Variants in C22orf42 observed in about 807,000 individuals in gnomAD.
The protein encoded by C22orf42 is chromosome 22 open reading frame 42.
A neutral mutation model predicts 31.4 loss-of-function variants in C22orf42; 24 were observed. That is an observed-to-expected ratio of 0.77 (90% CI 0.55 to 1.08). The LOEUF (loss-of-function observed/expected upper bound fraction) is 1.08. C22orf42 is among the 50% of genes least tolerant of loss of function. The pLI, the probability that C22orf42 is intolerant of heterozygous loss-of-function variation, is 0.00. For synonymous variants in C22orf42, 96 were observed against 112.7 expected (o/e 0.85, Z 0.94); for missense variants, 276 against 327.3 (o/e 0.84, Z 1.21).
chr22:32,149,754 G>A lies in C22orf42; in HGVS notation c.681C>T (p.Leu227=), dbSNP rs1455502526. Residue 227 remains leucine, a splice_region_variant and synonymous_variant, in exon 8 of 9, where the codon CTC becomes CTT. Coordinates refer to ENST00000382097, the MANE Select transcript of C22orf42 (RefSeq NM_001010859.3). ...EMAKERYEDY[L]CWVKMARSRL... is the part of the protein sequence containing the mutation. ...ATATCTAGATATATATATACTTACAGAGGTAATCTTCATATCTCTCCTTTG... is the reference window on the plus strand; with the variant it reads ...ATATCTAGATATATATATACTTACAAAGGTAATCTTCATATCTCTCCTTTG... The A allele has an allele frequency of 3.5e-6, 5 of 1,445,506 alleles. No individual in the cohort carries two copies. The highest frequency in any genetic ancestry group is 3.0e-5 in the African/African-American group (2 of 67,676). 89.5% of individuals were successfully genotyped at this position (1,445,506 alleles called of 1,614,324 possible).
In C22orf42 at chr22:32,159,287, AC is replaced by A. The variant is rs1921467941; in HGVS notation, c.-73del. ...TGTAGTCGGAGCTCCTCCTCCTTCT[AC>A]GGCCAGCTACCGACTGAAGGCTGCT... On this transcript the variant is annotated 5_prime_UTR_variant, in exon 1 of 9. Transcript: ENST00000382097. The A allele has an allele frequency of 6.4e-7, 1 of 1,565,158 alleles. No homozygotes were observed. Among genetic ancestry groups the A allele is most frequent in the African/African-American group, 1.3e-5 (1 of 74,100 alleles).
In C22orf42 at chr22:32,149,550, A is replaced by G; in HGVS notation, c.746T>C (p.Leu249Pro). 1.3e-6 allele frequency: 2 copies of G among 1,535,506 alleles called. No individual in the cohort carries two copies. Among genetic ancestry groups the G allele is most frequent in the African/African-American group, 1.4e-5 (1 of 72,906 alleles). Residue 249 changes from leucine (L) to proline (P), a missense_variant, in exon 9 of 9, where the codon CTC (leucine) becomes CCC (proline). By Grantham distance (98) the Leu-to-Pro change is moderately conservative. Transcript: ENST00000382097. The part of the protein sequence containing the change: ...EPISSQVLGL[L>P]RL ...CAGCTACTTGGAACACTAAAGCCGG[A>G]GAAGTCCTAGAACCTGGCTGCTGAT...
intron 3 of C22orf42, among the ~76,000 whole-genome samples, chr22:32,152,330 G>A (rs1262425328): frequency 6.6e-6 from 1 of 152,152 alleles, no homozygotes; most frequent in Non-Finnish European, 1.5e-5. Context: ...AGGAGAAAAG[G>A]TTGCTACTGA....
intron 1 of C22orf42, among the ~76,000 whole-genome samples, chr22:32,157,635 G>A (rs1276983708): frequency 5.9e-5 from 9 of 152,150 alleles, no homozygotes; most frequent in East Asian, 3.8e-4. Context: ...GGGACCTTCC[G>A]TCTTATTTCA....
intron 4 of C22orf42, 87 bp from the exon 5 acceptor site, chr22:32,151,638 G>A (rs1338007544): frequency 4.5e-6 from 6 of 1,329,048 alleles, no homozygotes; most frequent in South Asian, 2.3e-5. Context: ...CGGGGCTGGA[G>A]TGTGTGGAGG....
intron 6 of C22orf42, 183 bp from the exon 7 acceptor site, chr22:32,150,662 G>A (rs969254795): frequency 1.2e-5 from 8 of 651,986 alleles, no homozygotes; most frequent in Non-Finnish European, 2.2e-5. Flanking sequence ...AGAAAGAAAT[G>A]AAAGAGCCTT....
At chr22:32,158,904 G>C in intron 1 of C22orf42, 80 bp downstream of exon 1, 1 of 1,485,532 alleles carries the variant, frequency 6.7e-7, no homozygotes. Context: ...ATGTCTCTGA[G>C]GGTGAGGGAC....
In C22orf42 at chr22:32,151,538, A is replaced by G; in HGVS notation, c.414T>C (p.Asp138=). ...CACCGCCGTGTGCAGACACCTGCAC[A>G]TCTTCAGTGGGACCTAGGAGAACAC... The part of the protein sequence containing the change: ...EAKHDHRPTE[D]VQVSAHGGVE... Residue 138 remains aspartate (D), a synonymous_variant, in exon 5 of 9, where the codon GAT becomes GAC. Transcript: ENST00000382097. 6.2e-7 allele frequency: 1 copy of G among 1,613,822 alleles called. No individual in the cohort carries two copies. Among genetic ancestry groups the G allele is most frequent in the Non-Finnish European group, 8.5e-7 (1 of 1,179,684 alleles).
chr22:32,149,857 G>C, intron 7 of C22orf42, 77 bp from the exon 8 acceptor site: 3 of 1,142,512 alleles, frequency 2.6e-6, no homozygotes, highest in Non-Finnish European at 2.2e-6. Context: ...TTATTCACTT[G>C]GTGACGTAGA....
chr22:32,154,996 A>T (rs35766187), intron 1 of C22orf42, among the ~76,000 whole-genome samples: 1 of 152,122 alleles, frequency 6.6e-6, no homozygotes, highest in African/African-American at 2.4e-5. Flanking sequence ...CCTGAGGGAC[A>T]GGCAGAGCAG....
chr22:32,157,824 A>G (rs1309472605), intron 1 of C22orf42, among the ~76,000 whole-genome samples: 1,397 of 152,322 alleles, frequency 9.2e-3, no homozygotes, highest in African/African-American at 0.032. Context: ...AGTGGCTCAC[A>G]ATGGCCGACC....
At chr22:32,152,909 A>T (rs555966611) in intron 2 of C22orf42, among the ~76,000 whole-genome samples, 12 of 152,256 alleles carry the variant, frequency 7.9e-5, no homozygotes, top group Admixed American at 7.2e-4. Flanking sequence ...ACAGCATCTC[A>T]TCACACCTCC....
At chr22:32,151,163 A>G in intron 5 of C22orf42, 144 bp from the exon 6 acceptor site, 3 of 892,036 alleles carry the variant, frequency 3.4e-6, no homozygotes, top group Non-Finnish European at 5.3e-6. Context: ...TAAAGCATAG[A>G]GGATGCTTGT....
chr22:32,149,711 C>T (rs2094109057), intron 8 of C22orf42, 42 bp downstream of exon 8: 2 of 1,158,146 alleles, frequency 1.7e-6, no homozygotes, highest in Non-Finnish European at 2.2e-6. Context: ...ATATCTATAT[C>T]TACATATATA....
In C22orf42 at chr22:32,159,292, C is replaced by G; in HGVS notation, c.-77G>C. 3 of 1,557,112 alleles carry G rather than the reference C, an allele frequency of 1.9e-6. No individual in the cohort carries two copies. Among genetic ancestry groups the G allele is most frequent in the Non-Finnish European group, 2.6e-6 (3 of 1,157,446 alleles). The stretch of plus-strand genomic sequence containing the variant: ...TCGGAGCTCCTCCTCCTTCTACGGC[C>G]AGCTACCGACTGAAGGCTGCTGGCC... On this transcript the variant is annotated 5_prime_UTR_variant, in exon 1 of 9. Coordinates refer to ENST00000382097, the MANE Select transcript of C22orf42 (RefSeq NM_001010859.3).
At chr22:32,152,776 T>A (rs1380286306) in intron 2 of C22orf42, 150 bp from the exon 3 acceptor site, 1 of 741,810 alleles carries the variant, frequency 1.3e-6, no homozygotes, top group Admixed American at 2.4e-5. Flanking sequence ...CTCCTTGGTG[T>A]TGAGGGAAGG....
At chr22:32,157,448 C>T (rs185442980) in intron 1 of C22orf42, among the ~76,000 whole-genome samples, 1,521 of 151,252 alleles carry the variant, frequency 0.01, 18 homozygotes, top group African/African-American at 0.035. Context: ...CACTCTGCTG[C>T]AGCCACCTTT....
chr22:32,150,607 C>G, intron 6 of C22orf42, 128 bp from the exon 7 acceptor site: 1 of 853,612 alleles, frequency 1.2e-6, no homozygotes, highest in Non-Finnish European at 1.9e-6. Context: ...TGAGCTGCTG[C>G]TGGACCATTC....
chr22:32,158,883 G>A, intron 1 of C22orf42, 101 bp downstream of exon 1: 2 of 1,331,392 alleles, frequency 1.5e-6, no homozygotes, highest in Non-Finnish European at 2.1e-6. Context: ...GGAGGGAGCT[G>A]GAAGCTGAGG....
Sources: gnomAD v4.1 joint callset for allele counts (sites outside exome capture counted in the v4.1 genomes callset) on GRCh38, gnomAD v4.1.1 for gene constraint, MANE v1.5 for transcripts, NCBI Gene and HGNC (gene_info 2026-07-23, HGNC 2026-07-21) for gene names.